The following HMCN1 variants were observed in gnomAD, a reference collection of about 807,000 sequenced individuals.
HMCN1 encodes hemicentin 1.
HMCN1 carries 321 observed loss-of-function variants against 625.9 expected under a neutral mutation model. The observed-to-expected ratio is 0.51, with a 90% confidence interval of 0.47 to 0.56. The LOEUF is 0.56. Ranked by LOEUF, HMCN1 falls within the 20% of genes least tolerant of loss-of-function variation. The pLI, the probability that HMCN1 is intolerant of heterozygous loss-of-function variation, is 0.00. For synonymous variants in HMCN1, 2,425 were observed against 2,417.6 expected, an observed-to-expected ratio of 1.00 and a Z score of -0.09; for missense variants, 6,588 against 6,887.3, an observed-to-expected ratio of 0.96 and a Z score of 1.54.
intron 1 of HMCN1, among the ~76,000 whole-genome samples, chr1:185,799,013 A>G (rs73070566): frequency 0.031 from 4,704 of 152,212 alleles, 261 homozygotes; most frequent in African/African-American, 0.11. Flanking sequence ...TTATTTTGGA[A>G]TTTAATTTCA....
intron 11 of HMCN1, among the ~76,000 whole-genome samples, chr1:185,935,275 T>A (rs1236220145): frequency 6.6e-6 from 1 of 152,176 alleles, no homozygotes; most frequent in Non-Finnish European, 1.5e-5. Context: ...GCAGTGATTC[T>A]CAAACTTCTG....
At position 186,067,970 on chromosome 1, in the gene HMCN1, T is replaced by C. The variant is rs766190649; in HGVS notation, c.7842T>C (p.Thr2614=). The C allele has an allele frequency of 6.2e-7, 1 of 1,613,836 alleles. No homozygotes were observed. The highest frequency in any genetic ancestry group is 8.5e-7 in the Non-Finnish European group (1 of 1,179,768). Reference sequence around the variant, plus strand: ...CCATCACCTGGTTTAAGGATGGCACTCCTTTAGAATCTAACCGAAATATTC... The same window carrying C: ...CCATCACCTGGTTTAAGGATGGCACCCCTTTAGAATCTAACCGAAATATTC... ...PATITWFKDG[T]PLESNRNIRI... Residue 2614 remains threonine, a synonymous_variant, in exon 50 of 107, where the codon ACT becomes ACC. Coordinates refer to ENST00000271588, the MANE Select transcript of HMCN1 (RefSeq NM_031935.3).
intron 104 of HMCN1, among the ~76,000 whole-genome samples, chr1:186,181,593 C>T (rs1427637533): frequency 1.3e-5 from 2 of 152,002 alleles, no homozygotes. Flanking sequence ...TATGTATGTA[C>T]TTGTCATTAG....
At chr1:186,132,482 TTAACTC>T (rs1480907108) in intron 86 of HMCN1, 73 bp downstream of exon 86, 14 of 1,221,468 alleles carry the variant, frequency 1.1e-5, no homozygotes, top group Admixed American at 5.9e-5. Flanking sequence ...TTTATTTTCT[TTAACTC>T]TATAGCAAGT....
At chr1:186,157,649 T>C (rs1464010883) in intron 97 of HMCN1, among the ~76,000 whole-genome samples, 1 of 152,184 alleles carries the variant, frequency 6.6e-6, no homozygotes, top group African/African-American at 2.4e-5. Context: ...GTCCATGTGT[T>C]CTCATTGTTC....
At chr1:185,970,286 C>T (rs1196771831) in intron 14 of HMCN1, 49 bp from the exon 15 acceptor site, 3 of 1,547,844 alleles carry the variant, frequency 1.9e-6, no homozygotes, top group Non-Finnish European at 2.7e-6. Flanking sequence ...GCTGCATAAA[C>T]AATTTTAATA....
rs965110274 is a variant in HMCN1 at position 186,095,659 on chromosome 1, A to G, written c.10573+138A>G. 3.3e-5 allele frequency: 27 copies of G among 826,064 alleles called. No individual in the cohort carries two copies. In the Admixed American group the frequency reaches 7.0e-4, roughly 21 times the overall value. The allele number at this position is 826,064 out of a possible 1,614,324, so 51.2% of individuals were successfully genotyped here. ...TTTTTATTGCATTTTAATTTTTTTT[A>G]TAATTCACCTTGGCTTACTCTCATC... On this transcript the variant is annotated intron_variant, in intron 68 of 106. Coordinates refer to ENST00000271588, the MANE Select transcript of HMCN1 (RefSeq NM_031935.3).
At chr1:186,151,383 T>G (rs760278332) in intron 94 of HMCN1, 34 bp downstream of exon 94, 2 of 1,578,314 alleles carry the variant, frequency 1.3e-6, no homozygotes, top group South Asian at 1.1e-5. Flanking sequence ...TTTTAAAAAC[T>G]TATATATTAT....
At chr1:185,808,066 AAAAC>A (rs372951636) in intron 1 of HMCN1, among the ~76,000 whole-genome samples, 8 of 152,216 alleles carry the variant, frequency 5.3e-5, no homozygotes, top group Middle Eastern at 3.4e-3. Flanking sequence ...TATAAAAAGT[AAAAC>A]AAACAAACAA....
intron 1 of HMCN1, among the ~76,000 whole-genome samples, chr1:185,820,032 T>C (rs900828568): frequency 1.3e-5 from 2 of 152,092 alleles, no homozygotes; most frequent in East Asian, 1.9e-4. Flanking sequence ...CAATGAAGTA[T>C]GATAAGGGGG....
rs1025904748 is a variant in HMCN1 at position 186,018,274 on chromosome 1, T to C, written c.5392T>C (p.Ser1798Pro). The C allele has an allele frequency of 6.2e-7, 1 of 1,612,880 alleles. No individual in the cohort carries two copies. Among genetic ancestry groups the C allele is most frequent in the African/African-American group, 1.3e-5 (1 of 74,864 alleles). ...RKLVIAQAQVSNTGLYRCMAA... is the reference protein window; with the variant it reads ...RKLVIAQAQVPNTGLYRCMAA... The stretch of plus-strand genomic sequence containing the variant: ...ACTGGTTATTGCTCAGGCTCAAGTG[T>C]CAAACACAGGCCTTTATCGGTGCAT... Residue 1798 changes from serine (S) to proline (P), a missense_variant, in exon 34 of 107, where the codon TCA (serine) becomes CCA (proline). Ser to Pro is a moderately conservative substitution (Grantham distance 74, BLOSUM62 -1). Coordinates refer to ENST00000271588, the MANE Select transcript of HMCN1 (RefSeq NM_031935.3).
chr1:185,898,693 C>T (rs373800908), intron 4 of HMCN1, among the ~76,000 whole-genome samples: 2 of 152,138 alleles, frequency 1.3e-5, no homozygotes, highest in South Asian at 2.1e-4. Context: ...AGAAGGTCCA[C>T]GGAGCCTGCT....
rs750409347 is a variant in HMCN1 at position 185,970,361 on chromosome 1, T to C, written c.2239T>C (p.Phe747Leu). ...AGATCTTGAGTTGAGGCCCTCAACATTCCTCATTATTGACCCTCTCTTGGG... is the reference window on the plus strand; with the variant it reads ...AGATCTTGAGTTGAGGCCCTCAACACTCCTCATTATTGACCCTCTCTTGGG... ...KGDLELRPST[F>L]LIIDPLLGLL... Residue 747 changes from phenylalanine (F) to leucine (L), a missense_variant, in exon 15 of 107, where the codon TTC becomes CTC. Phe to Leu is a conservative substitution (Grantham distance 22). Coordinates refer to ENST00000271588, the MANE Select transcript of HMCN1 (RefSeq NM_031935.3). 2.5e-6 allele frequency: 4 copies of C among 1,613,746 alleles called. No individual in the cohort carries two copies. The highest frequency in any genetic ancestry group is 2.2e-5 in the East Asian group (1 of 44,868).
intron 2 of HMCN1, among the ~76,000 whole-genome samples, chr1:185,862,175 C>A (rs1662913798): frequency 6.6e-6 from 1 of 150,984 alleles, no homozygotes; most frequent in South Asian, 2.1e-4. Context: ...GAAGGAGCAA[C>A]AGGAGATAGA....
chr1:186,100,375 A>G (rs1660330778), intron 68 of HMCN1, among the ~76,000 whole-genome samples: 1 of 152,092 alleles, frequency 6.6e-6, no homozygotes, highest in Non-Finnish European at 1.5e-5. Flanking sequence ...ACTTGGGGAA[A>G]TATTCTTTAT....
chr1:185,791,353 A>C (rs1251095396), intron 1 of HMCN1, among the ~76,000 whole-genome samples: 1 of 151,830 alleles, frequency 6.6e-6, no homozygotes, highest in Non-Finnish European at 1.5e-5. Flanking sequence ...AGGAAGTAGA[A>C]AAGTTTATGT....
intron 89 of HMCN1, 99 bp downstream of exon 89, chr1:186,138,071 G>T: frequency 8.0e-7 from 1 of 1,252,482 alleles, no homozygotes; most frequent in Non-Finnish European, 1.1e-6. Context: ...GTAAAAAGAT[G>T]TTATGGCCTC....
chr1:185,796,628 G>GTA (rs1658399828), intron 1 of HMCN1, among the ~76,000 whole-genome samples: 1 of 122,910 alleles, frequency 8.1e-6, no homozygotes, highest in African/African-American at 5.1e-5. Context: ...GTTTGTGTCT[G>GTA]TGTGTGTGTG....
At chr1:186,048,947 C>T in intron 42 of HMCN1, 108 bp downstream of exon 42, 1 of 717,798 alleles carries the variant, frequency 1.4e-6, no homozygotes, top group Non-Finnish European at 2.5e-6. Flanking sequence ...GGTAGATGAA[C>T]AACAATTAGT....
Sources: allele counts gnomAD v4.1 joint callset (sites outside exome capture counted in the v4.1 genomes callset), GRCh38; gene constraint gnomAD v4.1.1; transcripts MANE v1.5; gene names NCBI Gene and HGNC (gene_info 2026-07-23, HGNC 2026-07-21).